Variants in PRKDC observed in about 807,000 individuals in gnomAD.
PRKDC encodes the protein protein kinase, DNA-activated, catalytic subunit.
In PRKDC, 82 loss-of-function variants were observed where a neutral mutation model predicts 486.9. That is an observed-to-expected ratio of 0.17 (90% CI 0.14 to 0.20). The LOEUF is 0.20. Ranked by LOEUF, PRKDC falls within the 10% of genes least tolerant of loss-of-function variation. The pLI is 1.00. For missense variants in PRKDC, 4,504 were observed against 5,038.2 expected, an observed-to-expected ratio of 0.89 and a Z score of 3.21; for synonymous variants, 1,895 against 1,837.0, an observed-to-expected ratio of 1.03 and a Z score of -0.81.
In PRKDC at chr8:47,888,608, C is replaced by A; in HGVS notation, c.4323G>T (p.Ala1441=). The part of the protein sequence containing the change: ...LCAVNLYGPD[A]QVDRSRLAAV... The stretch of plus-strand genomic sequence containing the variant: ...CAGCCAGCCTGCTCCTGTCCACTTG[C>A]GCGTCAGGGCCATACAAGTTGACGG... Residue 1441 remains alanine, a synonymous_variant, in exon 34 of 86, where the codon GCG becomes GCT. Coordinates refer to ENST00000314191, the MANE Select transcript of PRKDC (RefSeq NM_006904.7). 6.3e-7 allele frequency: 1 copy of A among 1,592,892 alleles called. No homozygotes were observed. The highest frequency in any genetic ancestry group is 1.1e-5 in the South Asian group (1 of 87,152).
At chr8:47,802,981 G>T (rs1406933898) in intron 70 of PRKDC, among the ~76,000 whole-genome samples, 1 of 152,080 alleles carries the variant, frequency 6.6e-6, no homozygotes, top group Non-Finnish European at 1.5e-5. Flanking sequence ...TAGAGATGGG[G>T]TTTCATCACG....
chr8:47,826,697 G>A lies in PRKDC; in HGVS notation c.8742C>T (p.Ala2914=). The part of the protein sequence containing the change: ...ELPAKRVRGK[A]RLPPDVLRWV... ...ATCTGAGGACATCAGGAGGGAGGCG[G>A]GCCTTCCCACGGACTCGCTTGGCAG... The change falls in exon 63 of 86, where the codon GCC becomes GCT. Residue 2914 remains alanine, a synonymous_variant. Coordinates refer to ENST00000314191, the MANE Select transcript of PRKDC (RefSeq NM_006904.7). 1.9e-6 allele frequency: 3 copies of A among 1,613,114 alleles called. No homozygotes were observed. The highest frequency in any genetic ancestry group is 2.5e-6 in the Non-Finnish European group (3 of 1,179,820).
At position 47,959,958 on chromosome 8, in the gene PRKDC, C is replaced by T. The variant is rs1192912528; in HGVS notation, c.154+15G>A. The T allele has an allele frequency of 2.6e-6, 4 of 1,533,920 alleles. No individual in the cohort carries two copies. Among genetic ancestry groups the T allele is most frequent in the Non-Finnish European group, 3.5e-6 (4 of 1,146,062 alleles). On this transcript the variant is annotated intron_variant, in intron 1 of 85. Coordinates refer to ENST00000314191, the MANE Select transcript of PRKDC (RefSeq NM_006904.7). ...GCCAGGACCCACCCGCGGCCCAGCT[C>T]GGGCCGGTACCCACCCAGCACCGCG... is the stretch of plus-strand genomic sequence containing the variant.
At position 47,897,263 on chromosome 8, in the gene PRKDC, A is replaced by G. The variant is rs1287510500; in HGVS notation, c.3496T>C (p.Leu1166=). Reference sequence around the variant, plus strand: ...GCTAAAAGCCACTTGACCAGATCCAATAAACACAATGATGCGGAAGGTGGA... The same window carrying G: ...GCTAAAAGCCACTTGACCAGATCCAGTAAACACAATGATGCGGAAGGTGGA... The part of the protein sequence containing the change: ...GFPPSASLCL[L]DLVKWLLAHC... Residue 1166 remains leucine (L), a synonymous_variant, in exon 30 of 86, where the codon TTG becomes CTG. Transcript: ENST00000314191. 4 of 1,602,270 alleles carry G rather than the reference A, an allele frequency of 2.5e-6. No homozygotes were observed. The highest frequency in any genetic ancestry group is 3.4e-6 in the Non-Finnish European group (4 of 1,170,504).
intron 85 of PRKDC, among the ~76,000 whole-genome samples, chr8:47,776,467 C>G (rs2086610116): frequency 6.6e-6 from 1 of 152,160 alleles, no homozygotes; most frequent in Non-Finnish European, 1.5e-5. Flanking sequence ...GCTTTTCATA[C>G]CTAGGTACTA....
At chr8:47,948,345 T>C (rs1380821600) in intron 7 of PRKDC, among the ~76,000 whole-genome samples, 1 of 151,698 alleles carries the variant, frequency 6.6e-6, no homozygotes, top group Non-Finnish European at 1.5e-5. Flanking sequence ...CTTGACCTTG[T>C]GATCTGCCCA....
chr8:47,937,119 G>C (rs939045788), intron 11 of PRKDC, among the ~76,000 whole-genome samples: 8 of 150,206 alleles, frequency 5.3e-5, no homozygotes, highest in African/African-American at 1.9e-4. Flanking sequence ...AAATTGGCCA[G>C]GCATGGTGGC....
chr8:47,775,267 T>C (rs1243616086), intron 85 of PRKDC, among the ~76,000 whole-genome samples: 1 of 151,936 alleles, frequency 6.6e-6, no homozygotes, highest in Non-Finnish European at 1.5e-5. Flanking sequence ...CTCACTTGGA[T>C]TTCCCTGATG....
intron 22 of PRKDC, among the ~76,000 whole-genome samples, chr8:47,918,004 C>A (rs749946822): frequency 1.2e-4 from 18 of 152,086 alleles, no homozygotes; most frequent in Non-Finnish European, 1.3e-4. Context: ...GCCACCACAC[C>A]CAGCTAATTT....
intron 1 of PRKDC, 37 bp downstream of exon 1, chr8:47,959,936 A>T: frequency 6.5e-7 from 1 of 1,527,686 alleles, no homozygotes; most frequent in South Asian, 1.2e-5. Flanking sequence ...TCGGGAAGCC[A>T]GGACCCACCC....
chr8:47,925,417 G>C (rs1010927566), intron 21 of PRKDC, among the ~76,000 whole-genome samples: 2 of 152,232 alleles, frequency 1.3e-5, no homozygotes, highest in Non-Finnish European at 2.9e-5. Context: ...CTGGCCTGCA[G>C]CCTTCAAAAT....
chr8:47,942,963 C>CA (rs1308404250), intron 10 of PRKDC, among the ~76,000 whole-genome samples: 1 of 152,220 alleles, frequency 6.6e-6, no homozygotes, highest in African/African-American at 2.4e-5. Context: ...ATCACCTCAC[C>CA]ACGTCTTTGC....
rs2088352675 is a variant in PRKDC at position 47,849,422 on chromosome 8, A to T, written c.7087T>A (p.Cys2363Ser). The change falls in exon 53 of 86, where the codon TGC becomes AGC. Residue 2363 changes from cysteine (C) to serine (S), a missense_variant. Transcript: ENST00000314191. ...AAGCTCTTGGTCACTTTGTTCAAGCACACAATAAACTTGTCCTCCATAGTA... is the reference window on the plus strand; with the variant it reads ...AAGCTCTTGGTCACTTTGTTCAAGCTCACAATAAACTTGTCCTCCATAGTA... ...QNTMEDKFIV[C>S]LNKVTKSFPP... is the part of the protein sequence containing the mutation. 1 of 1,614,044 alleles carries T rather than the reference A, an allele frequency of 6.2e-7. No individual in the cohort carries two copies. Among genetic ancestry groups the T allele is most frequent in the Non-Finnish European group, 8.5e-7 (1 of 1,179,910 alleles).
At chr8:47,842,159 AC>A (rs925972844) in intron 54 of PRKDC, among the ~76,000 whole-genome samples, 2 of 152,084 alleles carry the variant, frequency 1.3e-5, no homozygotes, top group African/African-American at 4.8e-5. Flanking sequence ...AGTGCAGCCC[AC>A]CAGGGCCCCC....
At chr8:47,780,236 T>G (rs1251412272) in intron 80 of PRKDC, among the ~76,000 whole-genome samples, 1 of 152,186 alleles carries the variant, frequency 6.6e-6, no homozygotes, top group Non-Finnish European at 1.5e-5. Flanking sequence ...TTTCTTTATA[T>G]TTCCAATAGG....
At chr8:47,931,443 T>C (rs1452891049) in intron 16 of PRKDC, among the ~76,000 whole-genome samples, 1 of 151,314 alleles carries the variant, frequency 6.6e-6, no homozygotes, top group Non-Finnish European at 1.5e-5. Flanking sequence ...ACACACATGT[T>C]CTAAAATGCA....
intron 31 of PRKDC, among the ~76,000 whole-genome samples, chr8:47,892,784 T>A (rs1258830555): frequency 2.0e-5 from 3 of 152,296 alleles, no homozygotes; most frequent in East Asian, 3.9e-4. Context: ...AAATTTCCAA[T>A]AAAGCAGCTA....
At chr8:47,926,922 T>C in intron 21 of PRKDC, 1 of 304,086 alleles carries the variant, frequency 3.3e-6, no homozygotes, top group Non-Finnish European at 5.9e-6. Context: ...CATAAAAATT[T>C]CAAGGTATTG....
At chr8:47,795,587 G>A (rs1247561403) in intron 73 of PRKDC, among the ~76,000 whole-genome samples, 1 of 150,960 alleles carries the variant, frequency 6.6e-6, no homozygotes, top group Admixed American at 6.6e-5. Context: ...TTGCTTTCTG[G>A]GTTTTAGCAA....
Sources: allele counts gnomAD v4.1 joint callset (sites outside exome capture counted in the v4.1 genomes callset), GRCh38; gene constraint gnomAD v4.1.1; transcripts MANE v1.5; gene names NCBI Gene and HGNC (gene_info 2026-07-23, HGNC 2026-07-21).